GLIS2: variants seen among roughly 807,000 people sequenced by gnomAD.
GLIS2 encodes GLIS family zinc finger 2, also known as zinc finger protein GLIS2.
In GLIS2, 14 loss-of-function variants were observed where a neutral mutation model predicts 35.6. The ratio of observed to expected loss-of-function variants is 0.39; its 90% CI spans 0.26 to 0.61. The LOEUF (loss-of-function observed/expected upper bound fraction) is 0.61. Ranked by LOEUF, GLIS2 falls within the 20% of genes least tolerant of loss-of-function variation. GLIS2 has a pLI of 0.48. For missense variants in GLIS2, 675 were observed against 713.4 expected (o/e 0.95, Z 0.61); for synonymous variants, 368 against 325.1 (o/e 1.13, Z -1.42).
chr16:4,319,471 C>T (rs1376074091), intron 1 of GLIS2, among the ~76,000 whole-genome samples: 1 of 152,188 alleles, frequency 6.6e-6, no homozygotes, highest in African/African-American at 2.4e-5. Flanking sequence ...TGGGTTGAGG[C>T]CCTGATGTGT....
chr16:4,327,677 G>GCCCACCCTCCGGGTGACC (rs1463893208), intron 1 of GLIS2, among the ~76,000 whole-genome samples: 3 of 151,206 alleles, frequency 2.0e-5, no homozygotes, highest in African/African-American at 4.8e-5. Context: ...GGCCCGCCCA[G>GCCCACCCTCCGGGTGACC]CCCACCCTCC....
Position 4,338,972 on chromosome 16 carries a change from A to G in GLIS2, c.*1448A>G, listed in dbSNP as rs1254905239. On this transcript the variant is annotated 3_prime_UTR_variant, in exon 7 of 7. Coordinates refer to ENST00000433375, the MANE Select transcript of GLIS2 (RefSeq NM_032575.3). ...AGGCCCTTCCACCTCCCCATCTGTA[A>G]AACGAGGCAGCTGCCCGGACAGCCT... is the stretch of plus-strand genomic sequence containing the variant. 1 of 152,294 alleles carries G rather than the reference A, an allele frequency of 6.6e-6. No individual in the cohort carries two copies. The highest frequency in any genetic ancestry group is 1.9e-4 in the East Asian group (1 of 5,200). The allele number at this position is 152,294 out of a possible 1,614,324, so 9.4% of individuals were successfully genotyped here.
Position 4,335,455 on chromosome 16 carries a change from G to A in GLIS2, c.775+62G>A, listed in dbSNP as rs1171469072. The A allele has an allele frequency of 1.4e-6, 2 of 1,476,498 alleles. No homozygotes were observed. The highest frequency in any genetic ancestry group is 2.3e-5 in the East Asian group (1 of 44,184). The allele number at this position is 1,476,498 out of a possible 1,614,324, so 91.5% of individuals were successfully genotyped here. A position where few individuals can be genotyped will look rare whatever the true frequency, so the allele number is the denominator to read the frequency against. Reference sequence around the variant, plus strand: ...GGGGCGCTCAGCTGAGACCGGCTGGGCAGGTCCCCAGGGGGAGGGGACTGT... The same window carrying A: ...GGGGCGCTCAGCTGAGACCGGCTGGACAGGTCCCCAGGGGGAGGGGACTGT... On this transcript the variant is annotated intron_variant, in intron 6 of 6. Transcript: ENST00000433375. This position sits in a 1 kb window ranked among gnomAD's most constrained non-coding sequence, Gnocchi z 4.6.
Position 4,337,914 on chromosome 16 carries a change from T to G in GLIS2, c.*390T>G, listed in dbSNP as rs2053576002. ...CAGAGGGGGTGGGTGGGGTGGCATC[T>G]GCCCTCCCTGCTAGCACCAGGCTCC... On this transcript the variant is annotated 3_prime_UTR_variant, in exon 7 of 7. Coordinates refer to ENST00000433375, the MANE Select transcript of GLIS2 (RefSeq NM_032575.3). The G allele has an allele frequency of 8.1e-6, 3 of 368,550 alleles. No individual in the cohort carries two copies. The highest frequency in any genetic ancestry group is 8.1e-5 in the Admixed American group (2 of 24,604). 22.8% of individuals were successfully genotyped at this position (368,550 alleles called of 1,614,324 possible).
intron 1 of GLIS2, among the ~76,000 whole-genome samples, chr16:4,317,865 C>T (rs565059564): frequency 6.6e-6 from 1 of 152,110 alleles, no homozygotes; most frequent in East Asian, 1.9e-4. Context: ...CTTTCCTCCT[C>T]CCCCTCCTTT....
rs1407206221 is a variant in GLIS2 at position 4,336,721 on chromosome 16, G to A, written c.776-4G>A. 1 of 1,592,652 alleles carries A rather than the reference G, an allele frequency of 6.3e-7. No homozygotes were observed. The highest frequency in any genetic ancestry group is 2.3e-5 in the East Asian group (1 of 43,652). On this transcript the variant is annotated splice_polypyrimidine_tract_variant and splice_region_variant and intron_variant, in intron 6 of 6. Coordinates refer to ENST00000433375, the MANE Select transcript of GLIS2 (RefSeq NM_032575.3). Reference sequence around the variant, plus strand: ...TGGCGGCACTGCACTGCACCACCCTGCAGGTGAGAAGCCCTACGTCTGCCC... The same window carrying A: ...TGGCGGCACTGCACTGCACCACCCTACAGGTGAGAAGCCCTACGTCTGCCC...
At position 4,335,199 on chromosome 16, in the gene GLIS2, G is replaced by A; in HGVS notation, c.656+6G>A. ...GGCCGAGGTTTCAACGCCAGGTGAG[G>A]TGGGGGAGAGAGGGGTAGAGGGAGG... is the stretch of plus-strand genomic sequence containing the variant. On this transcript the variant is annotated splice_donor_region_variant and intron_variant, in intron 5 of 6. Coordinates refer to ENST00000433375, the MANE Select transcript of GLIS2 (RefSeq NM_032575.3). This position sits in a 1 kb window ranked among gnomAD's most constrained non-coding sequence, Gnocchi z 4.6. 3 of 1,613,576 alleles carry A rather than the reference G, an allele frequency of 1.9e-6. No individual in the cohort carries two copies. The highest frequency in any genetic ancestry group is 2.7e-5 in the African/African-American group (2 of 75,056).
In GLIS2 at chr16:4,334,667, C is replaced by A. The variant is rs1029898333; in HGVS notation, c.346-134C>A. ...GCAAAGATCCTAGTTCCAAATAAGG[C>A]CACATGCACAGGTAGGGGCTGGGGA... On this transcript the variant is annotated intron_variant, in intron 3 of 6. Transcript: ENST00000433375. 13 of 1,004,786 alleles carry A rather than the reference C, an allele frequency of 1.3e-5. No individual in the cohort carries two copies. In the Admixed American group the frequency reaches 2.5e-4, roughly 19 times the overall value. 62.2% of individuals were successfully genotyped at this position (1,004,786 alleles called of 1,614,324 possible). A position where few individuals can be genotyped will look rare whatever the true frequency, so the allele number is the denominator to read the frequency against.
At chr16:4,330,050 G>A (rs941725879) in intron 1 of GLIS2, among the ~76,000 whole-genome samples, 1 of 152,200 alleles carries the variant, frequency 6.6e-6, no homozygotes, top group African/African-American at 2.4e-5. Flanking sequence ...GCCGAGGTGG[G>A]CAGATCACCT....
At chr16:4,317,169 C>G (rs2053322300) in intron 1 of GLIS2, among the ~76,000 whole-genome samples, 1 of 152,170 alleles carries the variant, frequency 6.6e-6, no homozygotes, top group Admixed American at 6.5e-5. Context: ...CCAGCCCTGC[C>G]CTGGGGCCTG....
intron 6 of GLIS2, 53 bp from the exon 7 acceptor site, chr16:4,336,672 C>T: frequency 1.3e-6 from 2 of 1,526,946 alleles, no homozygotes; most frequent in Non-Finnish European, 1.8e-6. Flanking sequence ...TGGGGTGAGA[C>T]CCAGGAAGGG....
Position 4,337,014 on chromosome 16 carries a change from C to A in GLIS2, c.1065C>A (p.Ile355=). The A allele has an allele frequency of 6.2e-7, 1 of 1,603,810 alleles. No homozygotes were observed. Among genetic ancestry groups the A allele is most frequent in the East Asian group, 2.2e-5 (1 of 44,604 alleles). Reference sequence around the variant, plus strand: ...ATGTCAGTGGGGCCCAGATCATCATCCCCAACCCAGCTGCCCTCTTTGGAG... The same window carrying A: ...ATGTCAGTGGGGCCCAGATCATCATACCCAACCCAGCTGCCCTCTTTGGAG... ...GPYVSGAQII[I]PNPAALFGGP... Residue 355 remains isoleucine, a synonymous_variant, in exon 7 of 7, where the codon ATC becomes ATA. Transcript: ENST00000433375.
chr16:4,333,439 C>G lies in GLIS2; in HGVS notation c.265C>G (p.Leu89Val). Reference protein sequence around the residue: ...VDLSLSPPSGLDSPNGSSSLS... With the variant: ...VDLSLSPPSGVDSPNGSSSLS... ...CCTCAGCCTGTCACCACCATCTGGGCTGGACTCCCCCAATGGCAGCAGCTC... is the reference window on the plus strand; with the variant it reads ...CCTCAGCCTGTCACCACCATCTGGGGTGGACTCCCCCAATGGCAGCAGCTC... Residue 89 changes from leucine to valine, a missense_variant, in exon 3 of 7, where the codon CTG becomes GTG. This residue lies in a region of GLIS2 where 225 missense variants were observed against 238.7 expected (regional missense o/e 0.94). Coordinates refer to ENST00000433375, the MANE Select transcript of GLIS2 (RefSeq NM_032575.3). The G allele has an allele frequency of 6.8e-6, 11 of 1,612,978 alleles. No individual in the cohort carries two copies. Among genetic ancestry groups the G allele is most frequent in the Non-Finnish European group, 9.3e-6 (11 of 1,179,996 alleles).
rs1281931800 is a variant in GLIS2, at chr16:4,320,960, C to A, written c.-67+4706C>A. ...CTGGAGCCACCAGGCCTGGCAGATC[C>A]TGCCAGTGGGTGTTCCCCTTTGGAA... is the stretch of plus-strand genomic sequence containing the variant. On this transcript the variant is annotated intron_variant, in intron 1 of 6. Transcript: ENST00000433375. This position sits in a 1 kb window ranked among gnomAD's most constrained non-coding sequence, Gnocchi z 5.6. 6.6e-6 allele frequency among the ~76,000 whole-genome samples: 1 copy of A among 152,232 alleles called. No individual in the cohort carries two copies. The highest frequency in any genetic ancestry group is 2.4e-5 in the African/African-American group (1 of 41,460).
intron 1 of GLIS2, among the ~76,000 whole-genome samples, chr16:4,319,228 A>AGGTGACTG (rs1236914602): frequency 2.0e-5 from 3 of 152,184 alleles, no homozygotes; most frequent in Non-Finnish European, 4.4e-5. Context: ...ATTTCACAGC[A>AGGTGACTG]GGTGACTGAG....
intron 1 of GLIS2, chr16:4,329,212 AG>A (rs2053471461): frequency 1.3e-5 from 2 of 152,250 alleles, no homozygotes; most frequent in South Asian, 4.1e-4. Flanking sequence ...TGGAACTGGC[AG>A]GGGTTCAGGC....
intron 1 of GLIS2, among the ~76,000 whole-genome samples, chr16:4,321,451 G>T (rs1475352167): frequency 6.6e-6 from 1 of 152,230 alleles, no homozygotes; most frequent in African/African-American, 2.4e-5. Context: ...ATGAATACAT[G>T]AATGAGACGG....
In GLIS2 at chr16:4,335,781, A is replaced by C; in HGVS notation, c.775+388A>C. 2 of 258,892 alleles carry C rather than the reference A, an allele frequency of 7.7e-6. No individual in the cohort carries two copies. The highest frequency in any genetic ancestry group is 1.5e-5 in the Non-Finnish European group (2 of 132,578). 16.0% of individuals were successfully genotyped at this position (258,892 alleles called of 1,614,324 possible). On this transcript the variant is annotated intron_variant, in intron 6 of 6. Transcript: ENST00000433375. This position sits in a 1 kb window ranked among gnomAD's most constrained non-coding sequence, Gnocchi z 4.6. ...TCCTAATCGCTGCATAAAACACAGC[A>C]AAAATAAATGGGTGAAATTAATTGT...
At chr16:4,336,443 G>A (rs1309839205) in intron 6 of GLIS2, 8 of 589,828 alleles carry the variant, frequency 1.4e-5, no homozygotes, top group South Asian at 3.9e-5. Context: ...CACCGGGCCC[G>A]GCCTCCAAGG....
Sources: gnomAD v4.1 joint callset for allele counts (sites outside exome capture counted in the v4.1 genomes callset) on GRCh38, gnomAD v4.1.1 for gene constraint, gnomAD v4.1.1 regional missense constraint, Gnocchi (gnomAD v3.1) non-coding constraint, MANE v1.5 for transcripts, NCBI Gene and HGNC (gene_info 2026-07-23, HGNC 2026-07-21) for gene names.